The following CAMK1D variants were observed in gnomAD, a reference collection of about 807,000 sequenced individuals.
The protein encoded by CAMK1D is calcium/calmodulin-dependent protein kinase type 1D.
A neutral mutation model predicts 47.7 loss-of-function variants in CAMK1D; 9 were observed. That is an observed-to-expected ratio of 0.19 (90% CI 0.11 to 0.33). The LOEUF (loss-of-function observed/expected upper bound fraction) is 0.33, where lower values mean the gene tolerates loss of function less well. CAMK1D is among the 10% of genes least tolerant of loss of function. The probability of loss-of-function intolerance (pLI) is 1.00; values close to 1 mark genes in which losing one functional copy is unlikely to be tolerated. For missense variants in CAMK1D, 291 were observed against 488.7 expected, an observed-to-expected ratio of 0.60 and a Z score of 3.81; for synonymous variants, 184 against 184.9, an observed-to-expected ratio of 0.99 and a Z score of 0.04.
At chr10:12,774,971 G>C (rs1837216538) in intron 5 of CAMK1D, among the ~76,000 whole-genome samples, 1 of 152,300 alleles carries the variant, frequency 6.6e-6, no homozygotes, top group South Asian at 2.1e-4. Flanking sequence ...CTGGGATCAG[G>C]ATAGATGGTG....
intron 2 of CAMK1D, among the ~76,000 whole-genome samples, chr10:12,572,622 CT>C (rs1468659439): frequency 1.3e-5 from 2 of 151,332 alleles, no homozygotes; most frequent in Admixed American, 6.6e-5. Flanking sequence ...AGGCAATTTA[CT>C]TTTTTTTTCT....
intron 2 of CAMK1D, among the ~76,000 whole-genome samples, chr10:12,662,628 G>A (rs1206183321): frequency 1.4e-5 from 2 of 143,298 alleles, no homozygotes; most frequent in Non-Finnish European, 1.5e-5. Context: ...CTCCAGCCTC[G>A]GAGACAGAGC....
At chr10:12,746,888 AGATGCCTTTAGTTGGG>A (rs1335831787) in intron 3 of CAMK1D, among the ~76,000 whole-genome samples, 1 of 152,232 alleles carries the variant, frequency 6.6e-6, no homozygotes, top group African/African-American at 2.4e-5. Context: ...ATACTACAAT[AGATGCCTTTAGTTGGG>A]GTTAATGGAA....
intron 5 of CAMK1D, among the ~76,000 whole-genome samples, chr10:12,790,571 G>A (rs931709239): frequency 6.6e-6 from 1 of 152,096 alleles, no homozygotes; most frequent in African/African-American, 2.4e-5. Context: ...TTTGTTGACT[G>A]ACAGAGTTCC....
chr10:12,495,326 G>A (rs1162729069), intron 1 of CAMK1D, among the ~76,000 whole-genome samples: 1 of 152,312 alleles, frequency 6.6e-6, no homozygotes, highest in East Asian at 1.9e-4. Flanking sequence ...GTGTGCAAAT[G>A]ACCTTGTCAT....
intron 7 of CAMK1D, among the ~76,000 whole-genome samples, chr10:12,815,242 T>C (rs1447872109): frequency 6.6e-6 from 1 of 152,188 alleles, no homozygotes. Context: ...CTGTGTAAAT[T>C]AATGAAATCT....
chr10:12,530,482 A>G (rs1835769058), intron 1 of CAMK1D, among the ~76,000 whole-genome samples: 1 of 152,170 alleles, frequency 6.6e-6, no homozygotes, highest in Non-Finnish European at 1.5e-5. Flanking sequence ...GCCATTCAAC[A>G]TGGTAGATAT....
At chr10:12,587,380 G>A (rs1837850109) in intron 2 of CAMK1D, among the ~76,000 whole-genome samples, 1 of 152,076 alleles carries the variant, frequency 6.6e-6, no homozygotes, top group Non-Finnish European at 1.5e-5. Context: ...AAAACGCATT[G>A]ACTTCTTAGT....
intron 1 of CAMK1D, among the ~76,000 whole-genome samples, chr10:12,518,834 C>G: frequency 8.4e-6 from 1 of 119,104 alleles, no homozygotes; most frequent in East Asian, 2.2e-4. Flanking sequence ...GATCCCAAGG[C>G]AGAAGAATTT....
intron 1 of CAMK1D, among the ~76,000 whole-genome samples, chr10:12,499,959 G>T (rs1834651053): frequency 6.6e-6 from 1 of 152,178 alleles, no homozygotes; most frequent in South Asian, 2.1e-4. Flanking sequence ...CTTTGGGTCT[G>T]TGGAGTATAG....
chr10:12,769,531 C>T (rs1221577664), intron 4 of CAMK1D, 142 bp from the exon 5 acceptor site: 20 of 818,408 alleles, frequency 2.4e-5, no homozygotes, highest in Non-Finnish European at 3.8e-5. Flanking sequence ...CTATTGGCCG[C>T]CGCTTTAGTT....
At chr10:12,729,210 G>A (rs879641892) in intron 3 of CAMK1D, among the ~76,000 whole-genome samples, 10 of 152,168 alleles carry the variant, frequency 6.6e-5, no homozygotes, top group Non-Finnish European at 1.3e-4. Context: ...TGTGCTGAGT[G>A]CCCGTGGCTG....
rs150524023 is a variant in CAMK1D, at chr10:12,451,036, T to C, written c.92+101126T>C. Among the ~76,000 whole-genome samples, 5 of 152,158 alleles carry C rather than the reference T, an allele frequency of 3.3e-5. No homozygotes were observed. The East Asian group carries it at 7.7e-4, about 24-fold the overall frequency. On this transcript the variant is annotated intron_variant, in intron 1 of 10. Transcript: ENST00000619168. ...GAGGTGCGGTGCTGGGTGTCTGCCA[T>C]GGGCCGGGGAGTGAGGAGAACCATT...
chr10:12,603,960 G>T (rs764748544), intron 2 of CAMK1D, among the ~76,000 whole-genome samples: 35 of 152,148 alleles, frequency 2.3e-4, no homozygotes, highest in Non-Finnish European at 4.3e-4. Flanking sequence ...AGCTGAGGAA[G>T]CCCTTATCTA....
chr10:12,692,130 G>A (rs1832954156), intron 3 of CAMK1D, among the ~76,000 whole-genome samples: 1 of 152,136 alleles, frequency 6.6e-6, no homozygotes, highest in African/African-American at 2.4e-5. Context: ...AGCACAAAGG[G>A]CTGTATTAAG....
intron 1 of CAMK1D, among the ~76,000 whole-genome samples, chr10:12,501,084 G>T (rs12253958): frequency 6.6e-6 from 1 of 152,028 alleles, no homozygotes; most frequent in East Asian, 1.9e-4. Context: ...CCCCTTTCCC[G>T]TACTCCACCT....
At chr10:12,682,723 A>G (rs983311250) in intron 3 of CAMK1D, among the ~76,000 whole-genome samples, 2 of 152,216 alleles carry the variant, frequency 1.3e-5, no homozygotes, top group Non-Finnish European at 2.9e-5. Flanking sequence ...TAAAAATAAT[A>G]CATGTTAAAA....
At chr10:12,747,516 G>A (rs1835741738) in intron 3 of CAMK1D, among the ~76,000 whole-genome samples, 2 of 151,982 alleles carry the variant, frequency 1.3e-5, no homozygotes, top group Non-Finnish European at 2.9e-5. Context: ...GGGAGCAGGG[G>A]CTGGTCGTGC....
chr10:12,640,727 C>T (rs1326722263), intron 2 of CAMK1D, among the ~76,000 whole-genome samples: 2 of 152,146 alleles, frequency 1.3e-5, no homozygotes, highest in Admixed American at 6.5e-5. Context: ...AGCTGTCATC[C>T]GTGCCGTGCT....
Sources: gnomAD v4.1 joint callset for allele counts (sites outside exome capture counted in the v4.1 genomes callset) on GRCh38, gnomAD v4.1.1 for gene constraint, MANE v1.5 for transcripts, NCBI Gene and HGNC (gene_info 2026-07-23, HGNC 2026-07-21) for gene names.